CUBN: variants seen among roughly 807,000 people sequenced by gnomAD.
CUBN encodes 460 kDa receptor.
A neutral mutation model predicts 405.3 loss-of-function variants in CUBN; 282 were observed. The observed-to-expected ratio is 0.70, with a 90% CI of 0.63 to 0.77. CUBN has a LOEUF of 0.77. CUBN is among the 30% of genes least tolerant of loss of function. CUBN has a pLI of 0.00. For missense variants in CUBN, 4,514 were observed against 4,475.2 expected (o/e 1.01, Z -0.25); for synonymous variants, 1,684 against 1,617.0 (o/e 1.04, Z -0.99).
chr10:16,987,541 A>G (rs997590889), intron 29 of CUBN, among the ~76,000 whole-genome samples: 2 of 151,996 alleles, frequency 1.3e-5, no homozygotes, highest in African/African-American at 4.8e-5. Context: ...CACTTTCCGG[A>G]CTCTGATTTT....
intron 58 of CUBN, among the ~76,000 whole-genome samples, chr10:16,872,534 T>A (rs1034931041): frequency 6.6e-6 from 1 of 152,020 alleles, no homozygotes; most frequent in Non-Finnish European, 1.5e-5. Flanking sequence ...CCCTCACAAA[T>A]GGGATTAGTG....
chr10:17,085,385 T>C (rs1013524974), intron 16 of CUBN, among the ~76,000 whole-genome samples: 1 of 152,140 alleles, frequency 6.6e-6, no homozygotes, highest in African/African-American at 2.4e-5. Flanking sequence ...GTGGATCCCA[T>C]AATTTAGGGA....
chr10:17,114,902 C>G (rs570682854), intron 7 of CUBN, among the ~76,000 whole-genome samples: 1 of 152,154 alleles, frequency 6.6e-6, no homozygotes, highest in Non-Finnish European at 1.5e-5. Context: ...ACTTACAAGG[C>G]CAAGAGAAGG....
At chr10:17,076,444 G>A (rs562794240) in intron 17 of CUBN, among the ~76,000 whole-genome samples, 6 of 143,916 alleles carry the variant, frequency 4.2e-5, no homozygotes, top group Admixed American at 1.4e-4. Context: ...CATGTATTGC[G>A]TTCAATAATC....
At chr10:16,860,282 C>G (rs1038567431) in intron 59 of CUBN, among the ~76,000 whole-genome samples, 1 of 151,794 alleles carries the variant, frequency 6.6e-6, no homozygotes, top group Non-Finnish European at 1.5e-5. Flanking sequence ...AGGATAGAGA[C>G]AAGTTGAAAA....
chr10:17,077,473 G>A (rs1451354483), intron 17 of CUBN, among the ~76,000 whole-genome samples: 6 of 152,132 alleles, frequency 3.9e-5, no homozygotes, highest in Non-Finnish European at 5.9e-5. Context: ...GTCTTAATAC[G>A]CACGCTCATT....
chr10:17,116,792 T>C (rs1836912203), intron 6 of CUBN, among the ~76,000 whole-genome samples: 1 of 152,128 alleles, frequency 6.6e-6, no homozygotes, highest in South Asian at 2.1e-4. Context: ...TTTTTGGCAG[T>C]TTCTAAGGAA....
At chr10:16,885,663 G>A (rs561443899) in intron 56 of CUBN, among the ~76,000 whole-genome samples, 1 of 152,190 alleles carries the variant, frequency 6.6e-6, no homozygotes, top group Admixed American at 6.5e-5. Context: ...CTGAGCTCAG[G>A]GAGCTGTCTC....
In CUBN at chr10:17,087,472, C is replaced by CTTTTTTTTTTTTTTTTTT. The variant is rs775573918; in HGVS notation, c.1947+674_1947+691dup. 1.7e-3 allele frequency among the ~76,000 whole-genome samples: 121 copies of CTTTTTTTTTTTTTTTTTT among 71,704 alleles called. 15 individuals are homozygous for CTTTTTTTTTTTTTTTTTT. Among genetic ancestry groups the CTTTTTTTTTTTTTTTTTT allele is most frequent in the African/African-American group, 5.4e-3 (114 of 21,110 alleles). 47.0% of individuals were successfully genotyped at this position (71,704 alleles called of 152,430 possible). On this transcript the variant is annotated intron_variant, in intron 15 of 66. Coordinates refer to ENST00000377833, the MANE Select transcript of CUBN (RefSeq NM_001081.4). ...CACAATCACTATTATTTTTCTTTTT[C>CTTTTTTTTTTTTTTTTTT]TTTTTTTTTTTTTTTTTTTTTTAGA...
intron 54 of CUBN, among the ~76,000 whole-genome samples, chr10:16,891,881 CTACACAATCTGCAA>C (rs775969649): frequency 2.0e-5 from 3 of 151,924 alleles, no homozygotes; most frequent in Non-Finnish European, 4.4e-5. Flanking sequence ...AGGACTATTG[CTACACAATCTGCAA>C]TACCCAATAT....
At chr10:16,859,221 C>T (rs1839946919) in intron 59 of CUBN, among the ~76,000 whole-genome samples, 1 of 152,102 alleles carries the variant, frequency 6.6e-6, no homozygotes, top group Admixed American at 6.6e-5. Flanking sequence ...TTGCAAACCA[C>T]ATACTGACAA....
At chr10:17,081,819 T>C (rs887266548) in intron 17 of CUBN, among the ~76,000 whole-genome samples, 1 of 152,228 alleles carries the variant, frequency 6.6e-6, no homozygotes, top group Non-Finnish European at 1.5e-5. Context: ...CTCAATTTTC[T>C]CATTTGTAAA....
rs183686223 is a variant in CUBN at position 16,941,763 on chromosome 10, G to A, written c.5343-1526C>T. Reference sequence around the variant, plus strand: ...AGGCTGAGGCAGGAAGATGGCTTAAGCCTGGGAGATAGAGGCTGAAGTGAG... The same window carrying A: ...AGGCTGAGGCAGGAAGATGGCTTAAACCTGGGAGATAGAGGCTGAAGTGAG... On this transcript the variant is annotated intron_variant, in intron 36 of 66. Coordinates refer to ENST00000377833, the MANE Select transcript of CUBN (RefSeq NM_001081.4). Among the ~76,000 whole-genome samples, 4 of 152,170 alleles carry A rather than the reference G, an allele frequency of 2.6e-5. No individual in the cohort carries two copies. In the East Asian group the frequency reaches 5.8e-4, roughly 22 times the overall value.
chr10:17,063,582 C>A (rs1282079358), intron 22 of CUBN, among the ~76,000 whole-genome samples: 1 of 152,028 alleles, frequency 6.6e-6, no homozygotes, highest in Non-Finnish European at 1.5e-5. Context: ...TGTATCTTAT[C>A]TTTCTGAAAA....
chr10:16,951,945 C>T lies in CUBN; in HGVS notation c.4969+331G>A, dbSNP rs187773755. 5.6e-4 allele frequency among the ~76,000 whole-genome samples: 85 copies of T among 152,264 alleles called. 1 individual carries two copies. The highest frequency in any genetic ancestry group is 3.4e-3 in the Middle Eastern group (1 of 294). The stretch of plus-strand genomic sequence containing the variant: ...ACTATTTATCGATTATTTTGGTTTA[C>T]CCCCAATCTCATACGCCTGCATACG... On this transcript the variant is annotated intron_variant, in intron 33 of 66. Coordinates refer to ENST00000377833, the MANE Select transcript of CUBN (RefSeq NM_001081.4).
At chr10:17,112,273 GAA>G (rs980908646) in intron 8 of CUBN, among the ~76,000 whole-genome samples, 1 of 151,968 alleles carries the variant, frequency 6.6e-6, no homozygotes, top group Non-Finnish European at 1.5e-5. Flanking sequence ...ATGTGTACAT[GAA>G]AAAAAGTTGG....
At chr10:16,946,524 C>G (rs553169522) in intron 36 of CUBN, among the ~76,000 whole-genome samples, 1 of 126,422 alleles carries the variant, frequency 7.9e-6, no homozygotes, top group East Asian at 2.5e-4. Flanking sequence ...AAGATGGAGT[C>G]TCACTCTGTT....
intron 28 of CUBN, among the ~76,000 whole-genome samples, chr10:17,018,583 G>GAACAAA (rs1240387033): frequency 6.6e-6 from 1 of 152,174 alleles, no homozygotes; most frequent in East Asian, 1.9e-4. Context: ...AAGAGTGAAA[G>GAACAAA]AACAAAGCTT....
At position 16,948,572 on chromosome 10, in the gene CUBN, G is replaced by T; in HGVS notation, c.5115C>A (p.Ile1705=). Residue 1705 remains isoleucine (I), a synonymous_variant, in exon 35 of 67, where the codon ATC becomes ATA. Transcript: ENST00000377833. The part of the protein sequence containing the change: ...RYCGTDMPHP[I]TSFSSALTLR... ...GCGTCAGGGCGCTGCTGAAGGATGTGATAGGATGGGGCATGTCGGTGCCAC... is the reference window on the plus strand; with the variant it reads ...GCGTCAGGGCGCTGCTGAAGGATGTTATAGGATGGGGCATGTCGGTGCCAC... The T allele has an allele frequency of 6.2e-7, 1 of 1,614,008 alleles. No individual in the cohort carries two copies. Among genetic ancestry groups the T allele is most frequent in the Non-Finnish European group, 8.5e-7 (1 of 1,179,962 alleles).
Sources: gnomAD v4.1 joint callset for allele counts (sites outside exome capture counted in the v4.1 genomes callset) on GRCh38, gnomAD v4.1.1 for gene constraint, MANE v1.5 for transcripts, NCBI Gene and HGNC (gene_info 2026-07-23, HGNC 2026-07-21) for gene names.